Variants in PDE4D observed in about 807,000 individuals in gnomAD.
The protein encoded by PDE4D is phosphodiesterase 4D.
A neutral mutation model predicts 87.4 loss-of-function variants in PDE4D; 24 were observed. The observed-to-expected ratio is 0.27, with a 90% CI of 0.20 to 0.39. The LOEUF (loss-of-function observed/expected upper bound fraction) is 0.39, where lower values mean the gene tolerates loss of function less well. PDE4D is among the 10% of genes least tolerant of loss of function. PDE4D has a pLI of 1.00. For synonymous variants in PDE4D, 384 were observed against 383.2 expected (o/e 1.00, Z -0.02); for missense variants, 714 against 1,041.0 (o/e 0.69, Z 4.32).
At chr5:59,625,027 T>C (rs1344566926) in intron 1 of PDE4D, among the ~76,000 whole-genome samples, 2 of 152,246 alleles carry the variant, frequency 1.3e-5, no homozygotes, top group Admixed American at 6.5e-5. Flanking sequence ...TCCACGGTTA[T>C]ATTACTTTAC....
intron 1 of PDE4D, among the ~76,000 whole-genome samples, chr5:60,487,009 CAAT>C (rs1749198225): frequency 6.6e-6 from 1 of 152,148 alleles, no homozygotes; most frequent in Admixed American, 6.5e-5. Flanking sequence ...TAGGGGAAAT[CAAT>C]AATGATTTAA....
At chr5:59,068,928 T>A (rs1220992418) in intron 5 of PDE4D, among the ~76,000 whole-genome samples, 10 of 152,098 alleles carry the variant, frequency 6.6e-5, no homozygotes, top group Non-Finnish European at 2.9e-5. Context: ...TTTTGAGTCA[T>A]GAAAGTTTTC....
rs542255260 is a variant in PDE4D, at chr5:59,370,462, T to C, written c.456-154494A>G. Among the ~76,000 whole-genome samples the C allele has an allele frequency of 1.9e-4, 29 of 152,328 alleles. No individual in the cohort carries two copies. In the East Asian group the frequency reaches 3.5e-3, roughly 18 times the overall value. On this transcript the variant is annotated intron_variant, in intron 1 of 14. Transcript: ENST00000340635. ...TTGCTATTTCTTTTTCTTGAAACAC[T>C]CTTCCTTTGGAAAAATGCATAATTC...
intron 1 of PDE4D, among the ~76,000 whole-genome samples, chr5:60,200,968 C>T (rs760902127): frequency 6.6e-6 from 1 of 152,074 alleles, no homozygotes; most frequent in Non-Finnish European, 1.5e-5. Context: ...GACCAAAAGT[C>T]ATATCTTTCT....
At chr5:59,684,780 T>C (rs939439659) in intron 1 of PDE4D, among the ~76,000 whole-genome samples, 2 of 152,194 alleles carry the variant, frequency 1.3e-5, no homozygotes, top group Non-Finnish European at 1.5e-5. Context: ...AGAGGGCATG[T>C]TGTGGCAGAC....
chr5:60,143,067 G>A (rs1780680085), intron 2 of PDE4D, among the ~76,000 whole-genome samples: 1 of 152,142 alleles, frequency 6.6e-6, no homozygotes, highest in South Asian at 2.1e-4. Flanking sequence ...TCCTGGATTT[G>A]GGCAATAAGA....
At chr5:59,643,358 C>T (rs1278167118) in intron 1 of PDE4D, among the ~76,000 whole-genome samples, 1 of 152,124 alleles carries the variant, frequency 6.6e-6, no homozygotes, top group Non-Finnish European at 1.5e-5. Flanking sequence ...GCACAGGCCC[C>T]CTCTTGAGTC....
intron 1 of PDE4D, among the ~76,000 whole-genome samples, chr5:60,280,988 G>A (rs967387463): frequency 6.6e-6 from 1 of 152,172 alleles, no homozygotes; most frequent in Non-Finnish European, 1.5e-5. Flanking sequence ...CACACTGCCT[G>A]CTGACAAGGA....
chr5:60,489,809 C>T (rs775884760), upstream of PDE4D: 6 of 152,272 alleles, frequency 3.9e-5, no homozygotes, highest in Admixed American at 2.0e-4. Flanking sequence ...CACAGACTCC[C>T]TGCTTCTCAT....
chr5:59,827,007 C>A (rs1770406763), intron 1 of PDE4D, among the ~76,000 whole-genome samples: 1 of 151,934 alleles, frequency 6.6e-6, no homozygotes, highest in African/African-American at 2.4e-5. Context: ...AACATCTAGA[C>A]TGTTACTCAA....
intron 1 of PDE4D, among the ~76,000 whole-genome samples, chr5:59,801,385 A>T (rs1195200395): frequency 6.6e-6 from 1 of 152,220 alleles, no homozygotes; most frequent in Non-Finnish European, 1.5e-5. Context: ...CATTAGACTT[A>T]CTGACACCAT....
chr5:59,248,042 TAAAAAAAAA>T (rs70975306), intron 1 of PDE4D, among the ~76,000 whole-genome samples: 9 of 37,494 alleles, frequency 2.4e-4, no homozygotes, highest in Non-Finnish European at 3.6e-4. Flanking sequence ...TATCTATTAG[TAAAAAAAAA>T]AAAAAAAAAA....
chr5:59,845,064 C>T (rs1326223571), intron 1 of PDE4D, among the ~76,000 whole-genome samples: 1 of 152,018 alleles, frequency 6.6e-6, no homozygotes, highest in Non-Finnish European at 1.5e-5. Flanking sequence ...GTCCTAAAAC[C>T]ACAGCAACTA....
intron 1 of PDE4D, among the ~76,000 whole-genome samples, chr5:60,316,470 C>G (rs1240722380): frequency 6.6e-6 from 1 of 152,064 alleles, no homozygotes; most frequent in Non-Finnish European, 1.5e-5. Context: ...AATTGAATAC[C>G]CTTTATTTCT....
chr5:59,927,277 T>C (rs1182426188), intron 3 of PDE4D, among the ~76,000 whole-genome samples: 1 of 152,200 alleles, frequency 6.6e-6, no homozygotes, highest in Non-Finnish European at 1.5e-5. Context: ...CCCAGTTCAC[T>C]TTTTCTCTCA....
chr5:59,695,356 CT>C (rs1411379734), intron 1 of PDE4D, among the ~76,000 whole-genome samples: 4 of 152,090 alleles, frequency 2.6e-5, no homozygotes, highest in Non-Finnish European at 5.9e-5. Flanking sequence ...GGAACTGCAC[CT>C]TTTATTGCCA....
At chr5:60,384,044 T>C (rs978618725) in intron 1 of PDE4D, among the ~76,000 whole-genome samples, 1 of 152,178 alleles carries the variant, frequency 6.6e-6, no homozygotes, top group South Asian at 2.1e-4. Context: ...AGAATTGTTA[T>C]TCAAAATTCA....
intron 1 of PDE4D, among the ~76,000 whole-genome samples, chr5:60,379,669 G>A (rs1761707543): frequency 6.6e-6 from 1 of 152,100 alleles, no homozygotes; most frequent in African/African-American, 2.4e-5. Flanking sequence ...GTTCTTTGTA[G>A]GAAGTCTTTT....
At position 59,452,955 on chromosome 5, in the gene PDE4D, CTTTT is replaced by C. The variant is rs59729469; in HGVS notation, c.456-236991_456-236988del. On this transcript the variant is annotated intron_variant, in intron 1 of 14. Transcript: ENST00000340635. ...GTTTTGTTGTGCTTTGCAGAGATGG[CTTTT>C]TTTTTTTTTTTAACAAAATGGTTTG... Among the ~76,000 whole-genome samples, 775 of 132,450 alleles carry C rather than the reference CTTTT, an allele frequency of 5.9e-3. 11 individuals carry two copies. The highest frequency in any genetic ancestry group is 0.019 in the African/African-American group (693 of 36,308). The allele number at this position is 132,450 out of a possible 152,430, so 86.9% of individuals were successfully genotyped here.
Sources: allele counts gnomAD v4.1 joint callset (sites outside exome capture counted in the v4.1 genomes callset), GRCh38; gene constraint gnomAD v4.1.1; transcripts MANE v1.5; gene names NCBI Gene and HGNC (gene_info 2026-07-23, HGNC 2026-07-21).